Variants in PNPLA1 observed in about 807,000 individuals in gnomAD.
PNPLA1 encodes omega-hydroxyceramide transacylase.
PNPLA1 carries 36 observed loss-of-function variants against 51.7 expected under a neutral mutation model. The observed-to-expected ratio is 0.70, with a 90% CI of 0.53 to 0.92. The LOEUF is 0.92. Ranked by LOEUF, PNPLA1 falls within the 40% of genes least tolerant of loss-of-function variation. The pLI is 0.00. For synonymous variants in PNPLA1, 293 were observed against 280.1 expected (o/e 1.05, Z -0.46); for missense variants, 658 against 682.5 (o/e 0.96, Z 0.40).
intron 1 of PNPLA1, among the ~76,000 whole-genome samples, chr6:36,281,217 T>G (rs1770271581): frequency 6.6e-6 from 1 of 152,192 alleles, no homozygotes; most frequent in South Asian, 2.1e-4. Context: ...TGCAGGTGTG[T>G]GGGTGAGTGT....
At chr6:36,262,330 T>C (rs139148876) in intron 1 of PNPLA1, among the ~76,000 whole-genome samples, 67 of 152,156 alleles carry the variant, frequency 4.4e-4, no homozygotes, top group Non-Finnish European at 8.1e-4. Flanking sequence ...AGCCTAAATC[T>C]CATCAGCCAG....
chr6:36,285,860 C>A (rs1213217035), intron 1 of PNPLA1, among the ~76,000 whole-genome samples: 1 of 152,162 alleles, frequency 6.6e-6, no homozygotes, highest in African/African-American at 2.4e-5. Context: ...TCTGTAGGGT[C>A]CCCCAACTTG....
chr6:36,282,136 G>C (rs28675694), intron 1 of PNPLA1, among the ~76,000 whole-genome samples: 1 of 124,044 alleles, frequency 8.1e-6, no homozygotes, highest in African/African-American at 3.2e-5. Flanking sequence ...AAGGAAGGAA[G>C]GAAAGAGAGA....
At chr6:36,258,085 A>G (rs573510812) in intron 1 of PNPLA1, among the ~76,000 whole-genome samples, 1 of 152,298 alleles carries the variant, frequency 6.6e-6, no homozygotes, top group South Asian at 2.1e-4. Flanking sequence ...TCAGCCTCCC[A>G]AACTGCCTGG....
intron 8 of PNPLA1, among the ~76,000 whole-genome samples, chr6:36,310,968 G>C (rs907125080): frequency 6.6e-6 from 1 of 152,244 alleles, no homozygotes; most frequent in African/African-American, 2.4e-5. Context: ...CCAGGCCTGT[G>C]TGGGACATTT....
At chr6:36,266,235 C>T (rs1769756760), upstream of PNPLA1, among the ~76,000 whole-genome samples, 1 of 152,212 alleles carries the variant, frequency 6.6e-6, no homozygotes, top group Non-Finnish European at 1.5e-5. Context: ...AGAGCGAGAA[C>T]CACCTGCTAA....
intron 1 of PNPLA1, 41 bp from the exon 2 acceptor site, chr6:36,291,279 G>A (rs1770667108): frequency 3.2e-6 from 5 of 1,558,758 alleles, no homozygotes; most frequent in Non-Finnish European, 4.4e-6. Context: ...CCTGGCCACT[G>A]GGTGGCACCG....
At chr6:36,304,205 C>T (rs1771161793) in intron 6 of PNPLA1, among the ~76,000 whole-genome samples, 1 of 152,066 alleles carries the variant, frequency 6.6e-6, no homozygotes, top group South Asian at 2.1e-4. Context: ...TGCTCATGGT[C>T]CTCAGCCAAA....
intron 1 of PNPLA1, among the ~76,000 whole-genome samples, chr6:36,282,192 A>AGAGG (rs1770329993): frequency 2.9e-5 from 1 of 34,282 alleles, no homozygotes; most frequent in South Asian, 7.3e-4. Flanking sequence ...AAAGAAAGAA[A>AGAGG]GAAGGAAGGA....
rs889319531 is a variant in PNPLA1 at position 36,312,514 on chromosome 6, G to A, written c.*628G>A. Among the ~76,000 whole-genome samples, 1 of 152,154 alleles carries A rather than the reference G, an allele frequency of 6.6e-6. No individual in the cohort carries two copies. Among genetic ancestry groups the A allele is most frequent in the African/African-American group, 2.4e-5 (1 of 41,428 alleles). ...TATGAACCTGTAAGGGTGATCCCCG[G>A]TGGAACTAAGGTTAGGGAAGTCCTA... is the stretch of plus-strand genomic sequence containing the variant. On this transcript the variant is annotated 3_prime_UTR_variant, in exon 9 of 9. Transcript: ENST00000636260.
chr6:36,270,652 G>A lies in PNPLA1; in HGVS notation c.193G>A (p.Gly65Arg), dbSNP rs1171117191. The change falls in exon 1 of 9, where the codon GGG (glycine) becomes AGG (arginine). Residue 65 changes from glycine (G) to arginine (R), a missense_variant. Gly to Arg is a moderately radical substitution (Grantham distance 125). Transcript: ENST00000636260. Reference protein sequence around the residue: ...GAVIAALAICGIEMDEYLRVL... With the variant: ...GAVIAALAICRIEMDEYLRVL... ...TGTGATCGCCGCCCTGGCCATCTGC[G>A]GGATTGAAATGGGTGAGGCCTGTGT... 5.8e-6 allele frequency: 9 copies of A among 1,550,888 alleles called. No individual in the cohort carries two copies. Among genetic ancestry groups the A allele is most frequent in the African/African-American group, 4.1e-5 (3 of 73,050 alleles).
chr6:36,265,931 C>A (rs531450332), upstream of PNPLA1, among the ~76,000 whole-genome samples: 66 of 152,312 alleles, frequency 4.3e-4, no homozygotes, highest in Non-Finnish European at 7.9e-4. Flanking sequence ...GAGATTACAT[C>A]AGAGGTTAGG....
At chr6:36,256,737 C>T (rs752854257) in intron 1 of PNPLA1, among the ~76,000 whole-genome samples, 2 of 152,108 alleles carry the variant, frequency 1.3e-5, no homozygotes, top group African/African-American at 2.4e-5. Context: ...TGAGCCACTG[C>T]GCCTGGCCTA....
chr6:36,293,256 ATGT>A, intron 3 of PNPLA1, 130 bp downstream of exon 3: 4 of 917,372 alleles, frequency 4.4e-6, no homozygotes, highest in Non-Finnish European at 6.7e-6. Flanking sequence ...AGAGTTTCTC[ATGT>A]TGTTACTCAG....
chr6:36,277,411 C>T (rs560755640), intron 1 of PNPLA1, among the ~76,000 whole-genome samples: 23 of 152,280 alleles, frequency 1.5e-4, no homozygotes, highest in Non-Finnish European at 2.5e-4. Flanking sequence ...TTTTGGGAGG[C>T]CATGTGGCCA....
At chr6:36,253,768 T>A (rs1453108261) in intron 1 of PNPLA1, among the ~76,000 whole-genome samples, 1 of 152,170 alleles carries the variant, frequency 6.6e-6, no homozygotes, top group Non-Finnish European at 1.5e-5. Flanking sequence ...TGTGAGTCAC[T>A]GCTCCTGGCC....
chr6:36,281,415 G>A (rs189424950), intron 1 of PNPLA1, among the ~76,000 whole-genome samples: 2 of 152,292 alleles, frequency 1.3e-5, no homozygotes, highest in East Asian at 1.9e-4. Flanking sequence ...TTGAATAACA[G>A]CTATTTACCA....
At position 36,291,362 on chromosome 6, in the gene PNPLA1, A is replaced by G. The variant is rs1325835007; in HGVS notation, c.248A>G (p.Lys83Arg). 1 of 1,613,930 alleles carries G rather than the reference A, an allele frequency of 6.2e-7. No homozygotes were observed. Among genetic ancestry groups the G allele is most frequent in the East Asian group, 2.2e-5 (1 of 44,874 alleles). The change falls in exon 2 of 9, where the codon AAG (lysine) becomes AGG (arginine). Residue 83 changes from lysine (K) to arginine (R), a missense_variant. By Grantham distance (26) the Lys-to-Arg change is conservative. Coordinates refer to ENST00000636260, the MANE Select transcript of PNPLA1 (RefSeq NM_001374623.1). ...CTCAACGTGGGTGTGGCCGAGGTGA[A>G]GAAATCCTTCCTGGGGCCCTTGTCC... ...RVLNVGVAEV[K>R]KSFLGPLSPS...
chr6:36,312,988 G>T lies in PNPLA1; in HGVS notation c.*1102G>T, dbSNP rs1277190459. ...TTGTGGTGGCAGGAGCCCAAGTTCT[G>T]GTTGTTTGGTTTTTAATTCTTACAG... is the stretch of plus-strand genomic sequence containing the variant. On this transcript the variant is annotated 3_prime_UTR_variant, in exon 9 of 9. Coordinates refer to ENST00000636260, the MANE Select transcript of PNPLA1 (RefSeq NM_001374623.1). Among the ~76,000 whole-genome samples the T allele has an allele frequency of 2.0e-5, 3 of 152,126 alleles. No homozygotes were observed. In the East Asian group the frequency reaches 5.8e-4, roughly 29 times the overall value.
Sources: gnomAD v4.1 joint callset for allele counts (sites outside exome capture counted in the v4.1 genomes callset) on GRCh38, gnomAD v4.1.1 for gene constraint, MANE v1.5 for transcripts, NCBI Gene and HGNC (gene_info 2026-07-23, HGNC 2026-07-21) for gene names.